FAM110A: variants seen among roughly 807,000 people sequenced by gnomAD.
The protein encoded by FAM110A is family with sequence similarity 110 member A.
Under a neutral mutation model 4.0 loss-of-function variants are expected in FAM110A, and 1 was observed. That is an observed-to-expected ratio of 0.25 (90% CI 0.09 to 1.20). The LOEUF (loss-of-function observed/expected upper bound fraction) is 1.20. Ranked by LOEUF, FAM110A falls within the 50% of genes most tolerant of loss-of-function variation. The pLI is 0.50. For synonymous variants in FAM110A, 217 were observed against 196.8 expected (o/e 1.10, Z -0.86); for missense variants, 436 against 429.2 (o/e 1.02, Z -0.14).
At chr20:841,888 CCT>C (rs1979943787) in intron 1 of FAM110A, among the ~76,000 whole-genome samples, 3 of 152,236 alleles carry the variant, frequency 2.0e-5, no homozygotes, top group South Asian at 4.1e-4. Flanking sequence ...CACCGATCAG[CCT>C]CTGTCTTGGG....
rs557888487 is a variant in FAM110A, at chr20:846,213, T to C, written c.*521T>C. ...GTGGGCAGACTATAGGAGGGACTGGTTAGGAGTCTGCATTGCTTTGACTTC... is the reference window on the plus strand; with the variant it reads ...GTGGGCAGACTATAGGAGGGACTGGCTAGGAGTCTGCATTGCTTTGACTTC... On this transcript the variant is annotated 3_prime_UTR_variant, in exon 2 of 2. Coordinates refer to ENST00000381941, the MANE Select transcript of FAM110A (RefSeq NM_001042353.3). 10 of 171,918 alleles carry C rather than the reference T, an allele frequency of 5.8e-5. No individual in the cohort carries two copies. In the South Asian group the frequency reaches 1.8e-3, roughly 31 times the overall value. The allele number at this position is 171,918 out of a possible 1,614,324, so 10.6% of individuals were successfully genotyped here.
rs1399290084 is a variant in FAM110A, at chr20:840,152, C to T, written c.-97-4556C>T. On this transcript the variant is annotated intron_variant, in intron 1 of 1. Coordinates refer to ENST00000381941, the MANE Select transcript of FAM110A (RefSeq NM_001042353.3). This position sits in a 1 kb window ranked among gnomAD's most constrained non-coding sequence, Gnocchi z 4.4. Reference sequence around the variant, plus strand: ...GAGGGCTAGGCAGGGCTCAGCAGGCCATTTGGAGGATGAAGGACTTGTTGC... The same window carrying T: ...GAGGGCTAGGCAGGGCTCAGCAGGCTATTTGGAGGATGAAGGACTTGTTGC... 6.6e-6 allele frequency among the ~76,000 whole-genome samples: 1 copy of T among 152,172 alleles called. No individual in the cohort carries two copies. Among genetic ancestry groups the T allele is most frequent in the African/African-American group, 2.4e-5 (1 of 41,438 alleles).
In FAM110A at chr20:834,251, G is replaced by A. The variant is rs1473428879; in HGVS notation, c.-98+300G>A. Among the ~76,000 whole-genome samples the A allele has an allele frequency of 1.3e-5, 2 of 152,204 alleles. No individual in the cohort carries two copies. Among genetic ancestry groups the A allele is most frequent in the Admixed American group, 1.3e-4 (2 of 15,286 alleles). On this transcript the variant is annotated intron_variant, in intron 1 of 1. Transcript: ENST00000381941. The surrounding 1 kb of genome is among the most constrained non-coding windows in gnomAD (Gnocchi z 5.6). ...ATCGGCAGGGACCTGTAGACCCCTG[G>A]CTGGATCACATATCCCCGCGCCCCA...
intron 1 of FAM110A, chr20:841,452 C>T (rs1026758425): frequency 1.3e-5 from 2 of 152,332 alleles, no homozygotes; most frequent in Non-Finnish European, 2.9e-5. Flanking sequence ...GTGCCGCTCT[C>T]TCCCTCATTT....
At chr20:838,483 TG>T (rs1438762050) in intron 1 of FAM110A, among the ~76,000 whole-genome samples, 3 of 151,702 alleles carry the variant, frequency 2.0e-5, no homozygotes. Flanking sequence ...CATGGTCCAG[TG>T]GGAGAGACAG....
At position 836,266 on chromosome 20, in the gene FAM110A, G is replaced by A. The variant is rs1272334866; in HGVS notation, c.-98+2315G>A. Among the ~76,000 whole-genome samples, 3 of 146,980 alleles carry A rather than the reference G, an allele frequency of 2.0e-5. No homozygotes were observed. The South Asian group carries it at 6.6e-4, about 33-fold the overall frequency. ...TTTTTTGGGGGGGGGGGTGGGGTGG[G>A]GCAGTGAATGAATTAAAATGTATAT... On this transcript the variant is annotated intron_variant, in intron 1 of 1. Transcript: ENST00000381941.
At position 844,960 on chromosome 20, in the gene FAM110A, G is replaced by C. The variant is rs1475326971; in HGVS notation, c.156G>C (p.Lys52Asn). The C allele has an allele frequency of 6.3e-7, 1 of 1,594,716 alleles. No individual in the cohort carries two copies. Among genetic ancestry groups the C allele is most frequent in the South Asian group, 1.1e-5 (1 of 88,490 alleles). Residue 52 changes from lysine to asparagine, a missense_variant, in exon 2 of 2, where the codon AAG becomes AAC. By Grantham distance (94) the Lys-to-Asn change is moderately conservative. Coordinates refer to ENST00000381941, the MANE Select transcript of FAM110A (RefSeq NM_001042353.3). Reference sequence around the variant, plus strand: ...AGCGCCTGGAGGCCGACAAGGCCAAGTACGTCAAGAGCCTGCACGTGGCCA... The same window carrying C: ...AGCGCCTGGAGGCCGACAAGGCCAACTACGTCAAGAGCCTGCACGTGGCCA... Reference protein sequence around the residue: ...AVERLEADKAKYVKSLHVANT... With the variant: ...AVERLEADKANYVKSLHVANT...
At chr20:844,161 G>A (rs1194932178) in intron 1 of FAM110A, among the ~76,000 whole-genome samples, 1 of 152,206 alleles carries the variant, frequency 6.6e-6, no homozygotes, top group Non-Finnish European at 1.5e-5. Context: ...GCTCCCTGTG[G>A]GGAGTCCAGG....
At position 839,652 on chromosome 20, in the gene FAM110A, C is replaced by T. The variant is rs942493764; in HGVS notation, c.-97-5056C>T. 63 of 1,187,422 alleles carry T rather than the reference C, an allele frequency of 5.3e-5. 1 individual carries two copies. Among genetic ancestry groups the T allele is most frequent in the South Asian group, 3.0e-4 (25 of 82,284 alleles). 73.6% of individuals were successfully genotyped at this position (1,187,422 alleles called of 1,614,324 possible). On this transcript the variant is annotated intron_variant, in intron 1 of 1. Coordinates refer to ENST00000381941, the MANE Select transcript of FAM110A (RefSeq NM_001042353.3). ...AGGCCGAGGCCTGCCAGTCTCTGGA[C>T]GGCTGCGGTGTAGGGTGGCAGGAAC...
intron 1 of FAM110A, chr20:839,545 G>A (rs1032884467): frequency 8.9e-5 from 92 of 1,032,154 alleles, no homozygotes; most frequent in Non-Finnish European, 1.1e-5. Context: ...TCAGCACCAG[G>A]GGGCACAGAA....
chr20:845,102 C>A lies in FAM110A; in HGVS notation c.298C>A (p.Pro100Thr). 6.3e-7 allele frequency: 1 copy of A among 1,595,430 alleles called. No individual in the cohort carries two copies. Among genetic ancestry groups the A allele is most frequent in the South Asian group, 1.1e-5 (1 of 88,694 alleles). Residue 100 changes from proline to threonine, a missense_variant, in exon 2 of 2, where the codon CCC becomes ACC. By Grantham distance (38) the Pro-to-Thr change is conservative. Coordinates refer to ENST00000381941, the MANE Select transcript of FAM110A (RefSeq NM_001042353.3). ...RRALPGPCRR[P>T]QLDLDILSSL... ...AGCCCTGCCTGGCCCCTGCCGACGG[C>A]CCCAGCTGGACCTGGACATCCTCAG...
Position 844,689 on chromosome 20 carries a change from TCTC to T in FAM110A, c.-97-18_-97-16del. On this transcript the variant is annotated splice_polypyrimidine_tract_variant and intron_variant, in intron 1 of 1. Coordinates refer to ENST00000381941, the MANE Select transcript of FAM110A (RefSeq NM_001042353.3). ...AGCGCGCTCGGCTTTTTTTTTTTTTTCTCTCTCCTTCCCTGCAGCAGTGGCCGG... is the reference window on the plus strand; with the variant it reads ...AGCGCGCTCGGCTTTTTTTTTTTTTTTCTCCTTCCCTGCAGCAGTGGCCGG... 1 of 1,283,430 alleles carries T rather than the reference TCTC, an allele frequency of 7.8e-7. No homozygotes were observed. Among genetic ancestry groups the T allele is most frequent in the South Asian group, 2.5e-5 (1 of 39,446 alleles). The allele number at this position is 1,283,430 out of a possible 1,614,324, so 79.5% of individuals were successfully genotyped here.
intron 1 of FAM110A, among the ~76,000 whole-genome samples, chr20:838,262 A>G (rs1979687363): frequency 6.6e-6 from 1 of 152,226 alleles, no homozygotes; most frequent in Non-Finnish European, 1.5e-5. Context: ...CTTGACAGAT[A>G]TGTTTAACTT....
At chr20:837,113 C>T (rs555127103) in intron 1 of FAM110A, among the ~76,000 whole-genome samples, 89 of 138,386 alleles carry the variant, frequency 6.4e-4, no homozygotes, top group African/African-American at 2.4e-3. Flanking sequence ...AGTGCAGTGG[C>T]GCCATCTCGG....
chr20:845,846 A>T lies in FAM110A; in HGVS notation c.*154A>T, dbSNP rs1980322691. 6.9e-7 allele frequency: 1 copy of T among 1,444,164 alleles called. No individual in the cohort carries two copies. Among genetic ancestry groups the T allele is most frequent in the Admixed American group, 2.7e-5 (1 of 36,426 alleles). The allele number at this position is 1,444,164 out of a possible 1,614,324, so 89.5% of individuals were successfully genotyped here. The stretch of plus-strand genomic sequence containing the variant: ...GCAAAGGCTTAGAGGCTGGACCAGC[A>T]TTGTTGGGCAAGGACTGACTCTCCA... On this transcript the variant is annotated 3_prime_UTR_variant, in exon 2 of 2. Transcript: ENST00000381941.
At chr20:835,485 G>T (rs968684805) in intron 1 of FAM110A, among the ~76,000 whole-genome samples, 1 of 151,938 alleles carries the variant, frequency 6.6e-6, no homozygotes, top group Non-Finnish European at 1.5e-5. Context: ...CTGCGTGCCA[G>T]GCCCTTCCCC....
chr20:837,242 G>A (rs1287967825), intron 1 of FAM110A, among the ~76,000 whole-genome samples: 4 of 151,764 alleles, frequency 2.6e-5, no homozygotes, highest in African/African-American at 4.8e-5. Context: ...TAGTAGAGAC[G>A]GGGTTTCATC....
chr20:835,507 TG>T (rs956031717), intron 1 of FAM110A, among the ~76,000 whole-genome samples: 2 of 152,084 alleles, frequency 1.3e-5, no homozygotes, highest in African/African-American at 4.8e-5. Context: ...AGACCTTGCA[TG>T]TGTTATCTTC....
rs1394652981 is a variant in FAM110A, at chr20:840,606, G to A, written c.-97-4102G>A. On this transcript the variant is annotated intron_variant, in intron 1 of 1. Coordinates refer to ENST00000381941, the MANE Select transcript of FAM110A (RefSeq NM_001042353.3). The surrounding 1 kb of genome is among the most constrained non-coding windows in gnomAD (Gnocchi z 4.4). ...TGTTACTATGACGGCTGTTGTTGCC[G>A]ATGTTAACCGTTTTCACAAGGCAGC... 1.3e-5 allele frequency among the ~76,000 whole-genome samples: 2 copies of A among 152,132 alleles called. No homozygotes were observed. The highest frequency in any genetic ancestry group is 4.8e-5 in the African/African-American group (2 of 41,424).
Sources: allele counts gnomAD v4.1 joint callset (sites outside exome capture counted in the v4.1 genomes callset), GRCh38; gene constraint gnomAD v4.1.1; non-coding constraint Gnocchi (gnomAD v3.1); transcripts MANE v1.5; gene names NCBI Gene and HGNC (gene_info 2026-07-23, HGNC 2026-07-21).